Variants in ABLIM2 observed in about 807,000 individuals in gnomAD.
The protein encoded by ABLIM2 is actin-binding LIM protein 2.
ABLIM2 carries 53 observed loss-of-function variants against 97.7 expected under a neutral mutation model. That is an observed-to-expected ratio of 0.54 (90% CI 0.44 to 0.68). The LOEUF is 0.68. ABLIM2 is among the 30% of genes least tolerant of loss of function. The probability of loss-of-function intolerance (pLI) is 0.00; values close to 1 mark genes in which losing one functional copy is unlikely to be tolerated. For synonymous variants in ABLIM2, 361 were observed against 345.8 expected (o/e 1.04, Z -0.49); for missense variants, 835 against 867.2 (o/e 0.96, Z 0.47).
rs116415488 is a variant in ABLIM2 at position 8,032,417 on chromosome 4, G to A, written c.1048-2641C>T. 0.024 allele frequency among the ~76,000 whole-genome samples: 3,583 copies of A among 152,222 alleles called. 123 individuals carry two copies. Among genetic ancestry groups the A allele is most frequent in the African/African-American group, 0.08 (3,332 of 41,526 alleles). On this transcript the variant is annotated intron_variant, in intron 10 of 20. Transcript: ENST00000447017. The surrounding 1 kb of genome is among the most constrained non-coding windows in gnomAD (Gnocchi z 4.3). ...CTCAGGGTAGACCCGCGTCCCAGGC[G>A]GCCACATCCGCAGGGCTGGCAGACA...
At chr4:8,153,287 A>C (rs1219279505) in intron 1 of ABLIM2, among the ~76,000 whole-genome samples, 1 of 152,188 alleles carries the variant, frequency 6.6e-6, no homozygotes, top group Non-Finnish European at 1.5e-5. Context: ...TGAACTTTCC[A>C]AGAGTTCATC....
At chr4:8,016,307 G>T (rs558282659) in intron 14 of ABLIM2, among the ~76,000 whole-genome samples, 1 of 152,208 alleles carries the variant, frequency 6.6e-6, no homozygotes, top group East Asian at 1.9e-4. Context: ...GCCTCCCAAA[G>T]TGCTGGGATT....
chr4:7,976,288 C>A (rs575795616), intron 20 of ABLIM2, among the ~76,000 whole-genome samples: 3 of 152,158 alleles, frequency 2.0e-5, no homozygotes, highest in Non-Finnish European at 4.4e-5. Context: ...TCCCACAGAT[C>A]ATCTGCATCC....
chr4:8,142,937 G>A (rs1486594536), intron 1 of ABLIM2, among the ~76,000 whole-genome samples: 2 of 152,146 alleles, frequency 1.3e-5, no homozygotes, highest in Non-Finnish European at 2.9e-5. Flanking sequence ...CAGTGAATGA[G>A]AGAGGAGGCA....
Position 7,989,072 on chromosome 4 carries a change from C to CTTTTTTT in ABLIM2, c.1680+3787_1680+3793dup, listed in dbSNP as rs71175445. ...TTTTTTGTTCACTAGACACATTAGT[C>CTTTTTTT]TTTTTTTTTTTTTTTTTTTTTTTGA... On this transcript the variant is annotated intron_variant, in intron 17 of 20. Transcript: ENST00000447017. Among the ~76,000 whole-genome samples the CTTTTTTT allele has an allele frequency of 1.2e-3, 98 of 81,340 alleles. 1 individual carries two copies. Among genetic ancestry groups the CTTTTTTT allele is most frequent in the East Asian group, 2.0e-3 (5 of 2,472 alleles). The allele number at this position is 81,340 out of a possible 152,430, so 53.4% of individuals were successfully genotyped here. A position where few individuals can be genotyped will look rare whatever the true frequency, so the allele number is the denominator to read the frequency against.
At chr4:8,041,428 A>G (rs990426999) in intron 9 of ABLIM2, 5 of 152,188 alleles carry the variant, frequency 3.3e-5, no homozygotes, top group African/African-American at 4.8e-5. Flanking sequence ...GGTCTCCTGG[A>G]AAAAACCTAA....
rs1427505545 is a variant in ABLIM2 at position 8,019,839 on chromosome 4, C to T, written c.1370-168G>A. 6.6e-6 allele frequency among the ~76,000 whole-genome samples: 1 copy of T among 152,162 alleles called. No homozygotes were observed. The highest frequency in any genetic ancestry group is 2.4e-5 in the African/African-American group (1 of 41,432). ...ACAGACACCCAGGCCCCAGATCAAG[C>T]CTCCCTGACTCCAGATGCCACCCTC... is the stretch of plus-strand genomic sequence containing the variant. On this transcript the variant is annotated intron_variant, in intron 13 of 20. Coordinates refer to ENST00000447017, the MANE Select transcript of ABLIM2 (RefSeq NM_001130083.2). The surrounding 1 kb of genome is among the most constrained non-coding windows in gnomAD (Gnocchi z 4.3).
rs953171600 is a variant in ABLIM2, at chr4:8,082,344, ACCT to A, written c.455-1545_455-1543del. Among the ~76,000 whole-genome samples, 1 of 152,042 alleles carries A rather than the reference ACCT, an allele frequency of 6.6e-6. No individual in the cohort carries two copies. The highest frequency in any genetic ancestry group is 2.4e-5 in the African/African-American group (1 of 41,388). ...TTCCTCATCGTGGGGTGGGGTGATCACCTCCTCACTTGGTGCCTGCCCGGATCC... is the reference window on the plus strand; with the variant it reads ...TTCCTCATCGTGGGGTGGGGTGATCACCTCACTTGGTGCCTGCCCGGATCC... On this transcript the variant is annotated intron_variant, in intron 4 of 20. Transcript: ENST00000447017. This position sits in a 1 kb window ranked among gnomAD's most constrained non-coding sequence, Gnocchi z 5.6.
intron 7 of ABLIM2, among the ~76,000 whole-genome samples, chr4:8,056,074 T>C (rs1011663457): frequency 4.0e-5 from 5 of 124,446 alleles, no homozygotes; most frequent in Admixed American, 2.0e-4. Context: ...GATTGCACCA[T>C]TGCATTCCAG....
chr4:8,143,860 G>C (rs934044149), intron 1 of ABLIM2, among the ~76,000 whole-genome samples: 5 of 152,322 alleles, frequency 3.3e-5, no homozygotes, highest in Admixed American at 1.3e-4. Flanking sequence ...GTCAGCCCTG[G>C]GGTGGGGCCA....
At chr4:8,099,960 A>T (rs540954871) in intron 2 of ABLIM2, among the ~76,000 whole-genome samples, 1 of 152,340 alleles carries the variant, frequency 6.6e-6, no homozygotes, top group East Asian at 1.9e-4. Flanking sequence ...CATTGTTCTT[A>T]TATTGCATTT....
chr4:8,017,886 G>T (rs773194019), intron 14 of ABLIM2, among the ~76,000 whole-genome samples: 7 of 152,132 alleles, frequency 4.6e-5, no homozygotes, highest in Admixed American at 6.5e-5. Flanking sequence ...CCAGGTACTT[G>T]GGAAGCTGAG....
chr4:8,009,749 C>T (rs1044238519), intron 14 of ABLIM2, among the ~76,000 whole-genome samples: 4 of 152,218 alleles, frequency 2.6e-5, no homozygotes, highest in African/African-American at 9.6e-5. Context: ...AACACAAGGT[C>T]TCAGTCGTGG....
chr4:8,091,626 A>AAATTATATATATAATTTTATATAT (rs1828400000), intron 3 of ABLIM2, among the ~76,000 whole-genome samples: 1 of 58,782 alleles, frequency 1.7e-5, no homozygotes, highest in Non-Finnish European at 2.8e-5. Context: ...ATTTTATATA[A>AAATTATATATATAATTTTATATAT]AATTATATAT....
In ABLIM2 at chr4:8,123,206, TGGG is replaced by T. The variant is rs1846260604; in HGVS notation, c.11-16572_11-16570del. On this transcript the variant is annotated intron_variant, in intron 1 of 20. Transcript: ENST00000447017. The surrounding 1 kb of genome is among the most constrained non-coding windows in gnomAD (Gnocchi z 6.2). ...TCCCTGGCAGCTGGTGCCCCTTACT[TGGG>T]GTCTCTAATCCCTGCCTGGCCCTCC... Among the ~76,000 whole-genome samples the T allele has an allele frequency of 6.6e-6, 1 of 152,128 alleles. No individual in the cohort carries two copies. The highest frequency in any genetic ancestry group is 1.5e-5 in the Non-Finnish European group (1 of 68,010).
In ABLIM2 at chr4:8,036,023, G is replaced by A. The variant is rs568183698; in HGVS notation, c.1047+126C>T. 242 of 1,173,316 alleles carry A rather than the reference G, an allele frequency of 2.1e-4. 1 individual carries two copies. In the African/African-American group the frequency reaches 2.2e-3, roughly 11 times the overall value. The allele number at this position is 1,173,316 out of a possible 1,614,324, so 72.7% of individuals were successfully genotyped here. The stretch of plus-strand genomic sequence containing the variant: ...TCTGATGGGCGTGAAGAGGCTGAGC[G>A]TGTGGGTGAGTGGTGAAGATGGAAG... On this transcript the variant is annotated intron_variant, in intron 10 of 20. Coordinates refer to ENST00000447017, the MANE Select transcript of ABLIM2 (RefSeq NM_001130083.2).
At chr4:8,053,650 A>G (rs1253528750) in intron 8 of ABLIM2, among the ~76,000 whole-genome samples, 1 of 152,164 alleles carries the variant, frequency 6.6e-6, no homozygotes, top group Non-Finnish European at 1.5e-5. Flanking sequence ...CCTCTTTGCT[A>G]TGTACACTCC....
intron 8 of ABLIM2, among the ~76,000 whole-genome samples, chr4:8,050,849 C>T (rs1054763386): frequency 1.2e-4 from 18 of 152,222 alleles, no homozygotes; most frequent in Admixed American, 6.5e-4. Context: ...CAGCCTGCGC[C>T]GCCTCCTCCC....
chr4:8,014,169 G>T (rs1051488818), intron 14 of ABLIM2, among the ~76,000 whole-genome samples: 2 of 152,252 alleles, frequency 1.3e-5, no homozygotes, highest in Non-Finnish European at 2.9e-5. Flanking sequence ...GACTCTGGCA[G>T]CCAGGAGCCA....
Sources: allele counts gnomAD v4.1 joint callset (sites outside exome capture counted in the v4.1 genomes callset), GRCh38; gene constraint gnomAD v4.1.1; non-coding constraint Gnocchi (gnomAD v3.1); transcripts MANE v1.5; gene names NCBI Gene and HGNC (gene_info 2026-07-23, HGNC 2026-07-21).